VWF: variants seen among roughly 807,000 people sequenced by gnomAD.
VWF encodes von Willebrand factor, also known as Factor VIII related antigen.
Under a neutral mutation model 308.6 loss-of-function variants are expected in VWF, and 176 were observed. The ratio of observed to expected loss-of-function variants is 0.57; its 90% CI spans 0.50 to 0.65. VWF has a LOEUF of 0.65. VWF is among the 30% of genes least tolerant of loss of function. The probability of loss-of-function intolerance (pLI) is 0.00; values close to 1 mark genes in which losing one functional copy is unlikely to be tolerated. For missense variants in VWF, 3,146 were observed against 3,648.2 expected, an observed-to-expected ratio of 0.86 and a Z score of 3.55; for synonymous variants, 1,385 against 1,443.4, an observed-to-expected ratio of 0.96 and a Z score of 0.92.
At chr12:5,990,868 T>TA (rs755717764) in intron 38 of VWF, among the ~76,000 whole-genome samples, 558 of 31,420 alleles carry the variant, frequency 0.018, 43 homozygotes, top group South Asian at 0.026. Context: ...CCCATAGAGC[T>TA]AAAAAAAAAA....
At chr12:6,032,532 G>T (rs559091536) in intron 20 of VWF, among the ~76,000 whole-genome samples, 3 of 150,194 alleles carry the variant, frequency 2.0e-5, no homozygotes, top group African/African-American at 7.4e-5. Context: ...CAGCTACTAG[G>T]GAGGCCGAGG....
chr12:5,958,321 TTAGA>T (rs1354261010), intron 47 of VWF, among the ~76,000 whole-genome samples: 2 of 152,162 alleles, frequency 1.3e-5, no homozygotes, highest in African/African-American at 4.8e-5. Flanking sequence ...CACTTTTAAT[TTAGA>T]TAGATAGGTT....
At chr12:5,999,184 C>A (rs1943845268) in intron 34 of VWF, among the ~76,000 whole-genome samples, 1 of 152,080 alleles carries the variant, frequency 6.6e-6, no homozygotes, top group South Asian at 2.1e-4. Context: ...GGGCAGCAAG[C>A]CTAAAATTTC....
At position 5,949,218 on chromosome 12, in the gene VWF, A is replaced by G; in HGVS notation, c.8254-15T>C. 1 of 1,612,798 alleles carries G rather than the reference A, an allele frequency of 6.2e-7. No homozygotes were observed. The highest frequency in any genetic ancestry group is 8.5e-7 in the Non-Finnish European group (1 of 1,179,914). On this transcript the variant is annotated splice_polypyrimidine_tract_variant and intron_variant, in intron 51 of 51. Transcript: ENST00000261405. The stretch of plus-strand genomic sequence containing the variant: ...GCACATTTGCCCTGCAAGAAAGCAG[A>G]GGAAGATGGGAGCTTCACAATGGTG...
rs768211265 is a variant in VWF, at chr12:6,063,453, G to A, written c.1433-399C>T. On this transcript the variant is annotated intron_variant, in intron 12 of 51. Transcript: ENST00000261405. This position sits in a 1 kb window ranked among gnomAD's most constrained non-coding sequence, Gnocchi z 4.9. Reference sequence around the variant, plus strand: ...ACTGCACACCACCTCATGTCTGAGCGATGCTGTGTACGACACTGAATACAG... The same window carrying A: ...ACTGCACACCACCTCATGTCTGAGCAATGCTGTGTACGACACTGAATACAG... Among the ~76,000 whole-genome samples the A allele has an allele frequency of 1.4e-4, 22 of 152,186 alleles. No homozygotes were observed. Among genetic ancestry groups the A allele is most frequent in the South Asian group, 2.1e-4 (1 of 4,826 alleles).
intron 21 of VWF, 148 bp downstream of exon 21, chr12:6,031,296 G>A (rs756736642): frequency 4.9e-5 from 66 of 1,334,012 alleles, no homozygotes; most frequent in Middle Eastern, 4.3e-4. Flanking sequence ...AATACGTCAC[G>A]GTCAGTTGCA....
intron 46 of VWF, 109 bp from the exon 47 acceptor site, chr12:5,967,711 T>C (rs1054494477): frequency 2.1e-6 from 2 of 967,034 alleles, no homozygotes; most frequent in South Asian, 2.6e-5. Flanking sequence ...CCATGAGCCA[T>C]CGCTCTGCTG....
At chr12:5,968,613 T>G (rs753964452) in intron 45 of VWF, among the ~76,000 whole-genome samples, 1 of 152,006 alleles carries the variant, frequency 6.6e-6, no homozygotes, top group Non-Finnish European at 1.5e-5. Context: ...CCAGCCAACA[T>G]AGCAAAACCA....
intron 6 of VWF, among the ~76,000 whole-genome samples, chr12:6,082,438 G>A (rs112263314): frequency 0.01 from 1,560 of 152,226 alleles, 25 homozygotes; most frequent in African/African-American, 0.034. Flanking sequence ...GGGGCCCTGC[G>A]ATTAAACAGT....
Position 6,072,287 on chromosome 12 carries a change from C to T in VWF, c.1109+44G>A, listed in dbSNP as rs760312682. ...TGCTGACCCAGCTTCCCTCCCCAGT[C>T]CCCCAGGCAGGTCTCCCAGAGCACG... On this transcript the variant is annotated intron_variant, in intron 9 of 51. Transcript: ENST00000261405. 3.8e-6 allele frequency: 6 copies of T among 1,584,214 alleles called. No homozygotes were observed. The Admixed American group carries it at 8.3e-5, about 22-fold the overall frequency.
At chr12:6,036,633 G>C in intron 18 of VWF, 142 bp from the exon 19 acceptor site, 2 of 802,094 alleles carry the variant, frequency 2.5e-6, no homozygotes, top group Non-Finnish European at 4.2e-6. Flanking sequence ...CCAGGGCTGA[G>C]CCAGGGGGAC....
In VWF at chr12:6,019,959, C is replaced by T. The variant is rs1487759116; in HGVS notation, c.3675-216G>A. The stretch of plus-strand genomic sequence containing the variant: ...CCCACCTTCAAAACACACACATAGC[C>T]GACTTCCTTTGATTCTAGAAACCAA... On this transcript the variant is annotated intron_variant, in intron 27 of 51. Transcript: ENST00000261405. This position sits in a 1 kb window ranked among gnomAD's most constrained non-coding sequence, Gnocchi z 5.8. 2.6e-5 allele frequency among the ~76,000 whole-genome samples: 4 copies of T among 152,252 alleles called. No individual in the cohort carries two copies. Among genetic ancestry groups the T allele is most frequent in the Admixed American group, 1.3e-4 (2 of 15,298 alleles).
At position 6,019,707 on chromosome 12, in the gene VWF, G is replaced by A. The variant is rs1393065129; in HGVS notation, c.3711C>T (p.Cys1237=). 1.9e-6 allele frequency: 3 copies of A among 1,613,598 alleles called. No individual in the cohort carries two copies. Among genetic ancestry groups the A allele is most frequent in the Non-Finnish European group, 2.5e-6 (3 of 1,179,774 alleles). ...GCACCACCAGGCCTCCCGGCTCCTG[G>A]CAGGCTTCACAGGTGAGGTTGACAA... ...CDVVNLTCEA[C]QEPGGLVVPP... is the part of the protein sequence containing the mutation. Residue 1237 remains cysteine (C), a synonymous_variant, in exon 28 of 52, where the codon TGC becomes TGT. Transcript: ENST00000261405. The surrounding 1 kb of genome is among the most constrained non-coding windows in gnomAD (Gnocchi z 5.8).
chr12:6,098,155 C>A (rs1473845272), intron 5 of VWF, among the ~76,000 whole-genome samples: 1 of 152,240 alleles, frequency 6.6e-6, no homozygotes, highest in African/African-American at 2.4e-5. Flanking sequence ...CCAAGCTGAG[C>A]AGATTCCTAG....
In VWF at chr12:6,075,586, CGTTA is replaced by C. The variant is rs1944833836; in HGVS notation, c.658-39_658-36del. The C allele has an allele frequency of 6.3e-7, 1 of 1,595,134 alleles. No homozygotes were observed. Among genetic ancestry groups the C allele is most frequent in the African/African-American group, 1.3e-5 (1 of 74,458 alleles). Reference sequence around the variant, plus strand: ...GAGGGGCCGCCTCAGCGGTATGCTCCGTTAGTGTCTCCCTGAGTGTGGCACTGAG... The same window carrying C: ...GAGGGGCCGCCTCAGCGGTATGCTCCGTGTCTCCCTGAGTGTGGCACTGAG... On this transcript the variant is annotated intron_variant, in intron 6 of 51. Transcript: ENST00000261405. The surrounding 1 kb of genome is among the most constrained non-coding windows in gnomAD (Gnocchi z 4.7).
At chr12:6,025,344 G>C (rs184911391) in intron 24 of VWF, among the ~76,000 whole-genome samples, 1 of 152,186 alleles carries the variant, frequency 6.6e-6, no homozygotes, top group East Asian at 1.9e-4. Flanking sequence ...ATGCCAAGGG[G>C]AGTTACTTCT....
At chr12:6,123,490 C>T (rs980179671) in intron 1 of VWF, among the ~76,000 whole-genome samples, 1 of 152,190 alleles carries the variant, frequency 6.6e-6, no homozygotes, top group African/African-American at 2.4e-5. Flanking sequence ...CCTCCAGGCC[C>T]GCTGGGCCTC....
rs760147730 is a variant in VWF, at chr12:6,063,000, T to A, written c.1487A>T (p.Glu496Val). ...GCCATCCCAGTCCATCTGCAGGTCC[T>A]CCCCGTAGCTGAGGCGCACGGAGGC... ...VTASVRLSYG[E>V]DLQMDWDGRG... is the part of the protein sequence containing the mutation. The change falls in exon 13 of 52, where the codon GAG becomes GTG. Residue 496 changes from glutamate to valine, a missense_variant. Glu to Val is a moderately radical substitution (Grantham distance 121, BLOSUM62 -2). Around this residue, in one of 3 missense-constraint regions of VWF, gnomAD observed 1,304 missense variants for 1,353.0 expected, o/e 0.96. Transcript: ENST00000261405. 6.2e-7 allele frequency: 1 copy of A among 1,613,430 alleles called. No homozygotes were observed. Among genetic ancestry groups the A allele is most frequent in the Non-Finnish European group, 8.5e-7 (1 of 1,180,014 alleles).
At chr12:6,057,164 C>T (rs994162715) in intron 14 of VWF, 92 bp from the exon 15 acceptor site, 14 of 1,211,884 alleles carry the variant, frequency 1.2e-5, no homozygotes, top group Non-Finnish European at 1.6e-5. Flanking sequence ...TAGCCCAGTG[C>T]TGCTAATAGA....
Sources: allele counts gnomAD v4.1 joint callset (sites outside exome capture counted in the v4.1 genomes callset), GRCh38; gene constraint gnomAD v4.1.1; regional missense constraint gnomAD v4.1.1; non-coding constraint Gnocchi (gnomAD v3.1); transcripts MANE v1.5; gene names NCBI Gene and HGNC (gene_info 2026-07-23, HGNC 2026-07-21).